Variants in RNF38 observed in about 807,000 individuals in gnomAD.
RNF38 encodes the protein ring finger protein 38.
RNF38 carries 15 observed loss-of-function variants against 67.2 expected under a neutral mutation model. The ratio of observed to expected loss-of-function variants is 0.22; its 90% CI spans 0.15 to 0.34. RNF38 has a LOEUF of 0.34. Among genes scored for constraint, RNF38 ranks in the 10% least tolerant of loss-of-function variants. The pLI is 1.00. For synonymous variants in RNF38, 220 were observed against 218.8 expected, an observed-to-expected ratio of 1.01 and a Z score of -0.05; for missense variants, 524 against 639.9, an observed-to-expected ratio of 0.82 and a Z score of 1.95.
intron 1 of RNF38, among the ~76,000 whole-genome samples, chr9:36,470,724 T>C (rs921429154): frequency 9.9e-5 from 15 of 152,110 alleles, no homozygotes; most frequent in African/African-American, 3.6e-4. Context: ...GGGATATACC[T>C]TACCTTCTCT....
chr9:36,368,689 TA>T (rs1835151430), intron 4 of RNF38, among the ~76,000 whole-genome samples: 1 of 152,186 alleles, frequency 6.6e-6, no homozygotes, highest in Admixed American at 6.5e-5. Flanking sequence ...ATGTCTGGCA[TA>T]AGAAGAGTAT....
At position 36,428,453 on chromosome 9, in the gene RNF38, ACAT is replaced by A. The variant is rs1347695378; in HGVS notation, n.242-3773_242-3771del. ...TAAAACTGTAGTACAACTATTGTTT[ACAT>A]ATATATATATATATATATACACGTA... On this transcript the variant is annotated intron_variant and non_coding_transcript_variant, in intron 1 of 3. Coordinates refer to the RNF38 transcript ENST00000488058. Among the ~76,000 whole-genome samples the A allele has an allele frequency of 6.6e-3, 614 of 93,034 alleles. 4 individuals carry two copies. Among genetic ancestry groups the A allele is most frequent in the African/African-American group, 0.023 (559 of 24,470 alleles). 61.0% of individuals were successfully genotyped at this position (93,034 alleles called of 152,430 possible). A position where few individuals can be genotyped will look rare whatever the true frequency, so the allele number is the denominator to read the frequency against.
At position 36,444,450 on chromosome 9, in the gene RNF38, C is replaced by G. The variant is rs554185295; in HGVS notation, n.242-19767G>C. ...AAACCTGCATTTCCTGCACTTGTAC[C>G]CTGGAACTTAAAAGCTGAAGAAAAA... On this transcript the variant is annotated intron_variant and non_coding_transcript_variant, in intron 1 of 3. Transcript: ENST00000488058. Among the ~76,000 whole-genome samples, 263 of 152,130 alleles carry G rather than the reference C, an allele frequency of 1.7e-3. 3 individuals carry two copies. Among genetic ancestry groups the G allele is most frequent in the African/African-American group, 6.2e-3 (257 of 41,488 alleles).
At chr9:36,385,615 G>A (rs1447431390) in intron 2 of RNF38, among the ~76,000 whole-genome samples, 4 of 152,040 alleles carry the variant, frequency 2.6e-5, no homozygotes, top group African/African-American at 9.7e-5. Flanking sequence ...CTGACCTCAG[G>A]TGATCCACCC....
chr9:36,450,095 C>T (rs12002991), intron 1 of RNF38, among the ~76,000 whole-genome samples: 10 of 152,102 alleles, frequency 6.6e-5, no homozygotes, highest in African/African-American at 2.4e-4. Context: ...ATAAACTTCA[C>T]CATTTTAACC....
At chr9:36,359,412 AG>A (rs1834356848) in intron 4 of RNF38, among the ~76,000 whole-genome samples, 1 of 152,134 alleles carries the variant, frequency 6.6e-6, no homozygotes, top group South Asian at 2.1e-4. Context: ...TTTATAAAGT[AG>A]GGCTCTAATT....
At chr9:36,451,087 TA>T (rs1839426799) in intron 1 of RNF38, among the ~76,000 whole-genome samples, 2 of 152,236 alleles carry the variant, frequency 1.3e-5, no homozygotes, top group African/African-American at 2.4e-5. Context: ...AGGACTGTGT[TA>T]ATACGCACCT....
At chr9:36,398,803 CAAACT>C (rs1307053717) in intron 1 of RNF38, among the ~76,000 whole-genome samples, 2 of 152,154 alleles carry the variant, frequency 1.3e-5, no homozygotes, top group African/African-American at 2.4e-5. Context: ...TGGCCTAAAC[CAAACT>C]AGAGGTAGTA....
chr9:36,339,900 C>T (rs2133303053), intron 11 of RNF38, 86 bp from the exon 12 acceptor site: 1 of 1,127,568 alleles, frequency 8.9e-7, no homozygotes, highest in African/African-American at 1.5e-5. Context: ...TTACTTCCCA[C>T]AGTTTTTACA....
chr9:36,371,821 C>T (rs1015768636), intron 3 of RNF38, among the ~76,000 whole-genome samples: 1 of 152,060 alleles, frequency 6.6e-6, no homozygotes, highest in African/African-American at 2.4e-5. Flanking sequence ...GAACTTATGA[C>T]TCTGTGTTCA....
In RNF38 at chr9:36,339,726, A is replaced by C. The variant is rs1320356819; in HGVS notation, c.*26T>G. ...ATATACATGTGATGAGGAACACCCA[A>C]ACTAAATTTGTGCTTCTTAGGTTGG... On this transcript the variant is annotated 3_prime_UTR_variant, in exon 12 of 12. Coordinates refer to ENST00000259605, the MANE Select transcript of RNF38 (RefSeq NM_022781.5). 6.3e-7 allele frequency: 1 copy of C among 1,597,818 alleles called. No individual in the cohort carries two copies. The highest frequency in any genetic ancestry group is 1.7e-5 in the Admixed American group (1 of 59,656).
intron 1 of RNF38, among the ~76,000 whole-genome samples, chr9:36,399,823 T>G (rs1327077038): frequency 6.6e-6 from 1 of 152,094 alleles, no homozygotes; most frequent in East Asian, 1.9e-4. Context: ...TGAAAAAAAT[T>G]TACGGTAAAT....
At chr9:36,353,640 T>C (rs926148846) in intron 6 of RNF38, among the ~76,000 whole-genome samples, 7 of 152,194 alleles carry the variant, frequency 4.6e-5, no homozygotes, top group Admixed American at 2.0e-4. Flanking sequence ...AAGCCAATTA[T>C]AGCAAAATTA....
At chr9:36,388,883 G>A (rs1201064443) in intron 2 of RNF38, among the ~76,000 whole-genome samples, 3 of 152,126 alleles carry the variant, frequency 2.0e-5, no homozygotes, top group African/African-American at 4.8e-5. Flanking sequence ...TAGATGGCTG[G>A]GTAGGTTTTT....
At chr9:36,439,774 C>G (rs1044049527) in intron 1 of RNF38, among the ~76,000 whole-genome samples, 25 of 126,894 alleles carry the variant, frequency 2.0e-4, no homozygotes, top group Non-Finnish European at 3.0e-4. Flanking sequence ...CTGGGCAGCA[C>G]AGTGAGACTC....
At chr9:36,401,308 GC>G, upstream of RNF38, 1 of 620,658 alleles carries the variant, frequency 1.6e-6, no homozygotes, top group Non-Finnish European at 1.9e-6. Flanking sequence ...GCCCCAGCCC[GC>G]CCCCCGCTGC....
chr9:36,411,482 A>G (rs1278492314), intron 2 of RNF38, among the ~76,000 whole-genome samples: 2 of 152,246 alleles, frequency 1.3e-5, no homozygotes, highest in African/African-American at 4.8e-5. Context: ...TCATAGCAAC[A>G]TTATTCACAA....
chr9:36,405,081 A>C (rs757941295), upstream of RNF38, among the ~76,000 whole-genome samples: 6 of 152,126 alleles, frequency 3.9e-5, no homozygotes, highest in Non-Finnish European at 7.4e-5. Flanking sequence ...CCTGGCCAAC[A>C]TGGTGAAACG....
chr9:36,392,212 A>G (rs1837167111), intron 1 of RNF38, among the ~76,000 whole-genome samples: 1 of 152,218 alleles, frequency 6.6e-6, no homozygotes, highest in South Asian at 2.1e-4. Context: ...TGGTAAACAG[A>G]TAACTGTGCC....
Sources: gnomAD v4.1 joint callset for allele counts (sites outside exome capture counted in the v4.1 genomes callset) on GRCh38, gnomAD v4.1.1 for gene constraint, MANE v1.5 for transcripts, NCBI Gene and HGNC (gene_info 2026-07-23, HGNC 2026-07-21) for gene names.